Variants in NUDT19 observed in about 807,000 individuals in gnomAD.
The protein encoded by NUDT19 is acyl-coenzyme A diphosphatase NUDT19.
Under a neutral mutation model 22.2 loss-of-function variants are expected in NUDT19, and 31 were observed. That is an observed-to-expected ratio of 1.40 (90% CI 1.05 to 1.89). The LOEUF is 1.89. Ranked by LOEUF, NUDT19 falls within the 40% of genes most tolerant of loss-of-function variation. The probability of loss-of-function intolerance (pLI) is 0.00; values close to 1 mark genes in which losing one functional copy is unlikely to be tolerated. For synonymous variants in NUDT19, 325 were observed against 230.8 expected (o/e 1.41, Z -3.70); for missense variants, 752 against 514.2 (o/e 1.46, Z -4.47).
At chr19:32,709,545 C>G (rs759553902) in intron 2 of NUDT19, among the ~76,000 whole-genome samples, 153 bp downstream of exon 2, 3 of 152,070 alleles carry the variant, frequency 2.0e-5, no homozygotes, top group Non-Finnish European at 4.4e-5. Flanking sequence ...TATAAAATAT[C>G]CATATTATTA....
rs765302086 is a variant in NUDT19, at chr19:32,692,578, G to T, written c.618G>T (p.Arg206=). 1 of 1,592,866 alleles carries T rather than the reference G, an allele frequency of 6.3e-7. No individual in the cohort carries two copies. Among genetic ancestry groups the T allele is most frequent in the South Asian group, 1.1e-5 (1 of 88,772 alleles). Residue 206 remains arginine (R), a synonymous_variant, in exon 1 of 3, where the codon CGG becomes CGT. Transcript: ENST00000397061. ...NWSAWLTPFL[R]GTTRRFDTAF... ...GCGCCTGGCTCACCCCTTTCTTGCG[G>T]GGCACCACTCGCCGCTTTGACACGG... is the stretch of plus-strand genomic sequence containing the variant.
chr19:32,710,624 T>G (rs1322215669), intron 2 of NUDT19, among the ~76,000 whole-genome samples: 2 of 151,684 alleles, frequency 1.3e-5, no homozygotes, highest in Non-Finnish European at 1.5e-5. Context: ...CTGGGCGCGG[T>G]GGCTCACACG....
At chr19:32,710,839 G>A (rs1344001369) in intron 2 of NUDT19, among the ~76,000 whole-genome samples, 1 of 151,778 alleles carries the variant, frequency 6.6e-6, no homozygotes, top group African/African-American at 2.4e-5. Flanking sequence ...GTTGTGGTGA[G>A]CTGAGATTGC....
At chr19:32,710,592 AAAAAC>A (rs201995627) in intron 2 of NUDT19, among the ~76,000 whole-genome samples, 27 of 151,184 alleles carry the variant, frequency 1.8e-4, no homozygotes, top group African/African-American at 6.1e-4. Flanking sequence ...ACTCTCTGTC[AAAAAC>A]AAAACAAAAC....
In NUDT19 at chr19:32,711,734, G is replaced by C; in HGVS notation, c.923-18G>C. On this transcript the variant is annotated intron_variant, in intron 2 of 2. Coordinates refer to ENST00000397061, the MANE Select transcript of NUDT19 (RefSeq NM_001105570.2). ...AATTTTGTATTTAAAAATAAAATCAGATTTTTTCCTTTTTCAGGTGATGAG... is the reference window on the plus strand; with the variant it reads ...AATTTTGTATTTAAAAATAAAATCACATTTTTTCCTTTTTCAGGTGATGAG... 1 of 1,432,444 alleles carries C rather than the reference G, an allele frequency of 7.0e-7. No homozygotes were observed. The highest frequency in any genetic ancestry group is 9.7e-7 in the Non-Finnish European group (1 of 1,030,616). The allele number at this position is 1,432,444 out of a possible 1,614,324, so 88.7% of individuals were successfully genotyped here.
chr19:32,707,805 C>G (rs11882035), intron 1 of NUDT19, among the ~76,000 whole-genome samples: 1 of 151,724 alleles, frequency 6.6e-6, no homozygotes, highest in African/African-American at 2.4e-5. Context: ...GGTGAAACCC[C>G]GTCTCTACTA....
intron 1 of NUDT19, among the ~76,000 whole-genome samples, chr19:32,699,445 G>A (rs563747814): frequency 2.1e-4 from 32 of 152,178 alleles, no homozygotes; most frequent in African/African-American, 4.8e-4. Flanking sequence ...CCTCGCTGTC[G>A]ACCCTCGGCT....
chr19:32,702,023 T>C (rs922645773), intron 1 of NUDT19, among the ~76,000 whole-genome samples: 2 of 152,180 alleles, frequency 1.3e-5, no homozygotes, highest in African/African-American at 4.8e-5. Context: ...TGCGGGGGTC[T>C]GTCCTGCAGA....
chr19:32,709,079 AT>A, intron 1 of NUDT19, 105 bp from the exon 2 acceptor site: 2 of 782,324 alleles, frequency 2.6e-6, no homozygotes, highest in Non-Finnish European at 4.5e-6. Flanking sequence ...GCATTAATGA[AT>A]TCATTTTACA....
chr19:32,703,843 A>G (rs1396037299), intron 1 of NUDT19, among the ~76,000 whole-genome samples: 5 of 150,636 alleles, frequency 3.3e-5, no homozygotes, highest in Admixed American at 6.6e-5. Flanking sequence ...TTGTACTTTT[A>G]GTAGAGATGA....
At chr19:32,695,273 G>A (rs538766954) in intron 1 of NUDT19, among the ~76,000 whole-genome samples, 10 of 152,148 alleles carry the variant, frequency 6.6e-5, no homozygotes, top group South Asian at 6.2e-4. Context: ...TCTGCTTCCC[G>A]GGTTCAAGCA....
At position 32,692,716 on chromosome 19, in the gene NUDT19, G is replaced by A. The variant is rs375599458; in HGVS notation, c.714+42G>A. ...GCCTTGCTGCGGACCGCCAGGACGT[G>A]AGAGGGAGGACCCCTCCCAGCGGCC... On this transcript the variant is annotated intron_variant, in intron 1 of 2. Transcript: ENST00000397061. 5.0e-4 allele frequency: 703 copies of A among 1,394,094 alleles called. 9 individuals are homozygous for A. Among genetic ancestry groups the A allele is most frequent in the Admixed American group, 7.1e-4 (24 of 33,636 alleles). 86.4% of individuals were successfully genotyped at this position (1,394,094 alleles called of 1,614,324 possible).
intron 1 of NUDT19, among the ~76,000 whole-genome samples, chr19:32,695,888 C>T (rs1599796595): frequency 6.6e-6 from 1 of 152,322 alleles, no homozygotes; most frequent in Non-Finnish European, 1.5e-5. Context: ...GGGTAAGTGC[C>T]ACTAGTTCTG....
intron 1 of NUDT19, among the ~76,000 whole-genome samples, chr19:32,696,703 C>G (rs1398179922): frequency 6.6e-6 from 1 of 152,174 alleles, no homozygotes; most frequent in Non-Finnish European, 1.5e-5. Flanking sequence ...AGCAAAGTCT[C>G]CCAATTACAA....
chr19:32,692,996 T>C (rs997226926), intron 1 of NUDT19, among the ~76,000 whole-genome samples: 1 of 152,004 alleles, frequency 6.6e-6, no homozygotes, highest in African/African-American at 2.4e-5. Flanking sequence ...TTTGGTTTTC[T>C]TGGAGAACAG....
At chr19:32,706,502 G>T (rs1422086909) in intron 1 of NUDT19, among the ~76,000 whole-genome samples, 1 of 152,142 alleles carries the variant, frequency 6.6e-6, no homozygotes, top group Non-Finnish European at 1.5e-5. Flanking sequence ...TGACCAACAG[G>T]AATAAACCCC....
chr19:32,710,589 G>C (rs974642992), intron 2 of NUDT19, among the ~76,000 whole-genome samples: 3 of 150,056 alleles, frequency 2.0e-5, no homozygotes, highest in African/African-American at 7.5e-5. Flanking sequence ...GACACTCTCT[G>C]TCAAAAACAA....
rs775986693 is a variant in NUDT19, at chr19:32,692,336, A to G, written c.376A>G (p.Ile126Val). The G allele has an allele frequency of 6.3e-7, 1 of 1,591,644 alleles. No individual in the cohort carries two copies. Among genetic ancestry groups the G allele is most frequent in the African/African-American group, 1.4e-5 (1 of 73,568 alleles). The part of the protein sequence containing the change: ...GTLPEDVAFR[I>V]CAVREAFEEA... ...GCTGCCTGAGGACGTAGCCTTCCGC[A>G]TCTGCGCCGTGCGGGAGGCCTTTGA... is the stretch of plus-strand genomic sequence containing the variant. Residue 126 changes from isoleucine (I) to valine (V), a missense_variant, in exon 1 of 3, where the codon ATC becomes GTC. Coordinates refer to ENST00000397061, the MANE Select transcript of NUDT19 (RefSeq NM_001105570.2).
chr19:32,697,209 ACTTTTGGGCCTGT>A (rs1968274491), intron 1 of NUDT19, among the ~76,000 whole-genome samples: 1 of 151,812 alleles, frequency 6.6e-6, no homozygotes, highest in South Asian at 2.1e-4. Context: ...TCTCACTTTT[ACTTTTGGGCCTGT>A]CCATCTTGGT....
Sources: allele counts gnomAD v4.1 joint callset (sites outside exome capture counted in the v4.1 genomes callset), GRCh38; gene constraint gnomAD v4.1.1; transcripts MANE v1.5; gene names NCBI Gene and HGNC (gene_info 2026-07-23, HGNC 2026-07-21).